Variants in RFX4 observed in about 807,000 individuals in gnomAD.
RFX4 encodes the protein transcription factor RFX4.
Under a neutral mutation model 95.0 loss-of-function variants are expected in RFX4, and 10 were observed. The observed-to-expected ratio is 0.11, with a 90% CI of 0.06 to 0.18. The LOEUF (loss-of-function observed/expected upper bound fraction) is 0.18. Among genes scored for constraint, RFX4 ranks in the 10% least tolerant of loss-of-function variants. RFX4 has a pLI of 1.00. For synonymous variants in RFX4, 321 were observed against 340.7 expected (o/e 0.94, Z 0.64); for missense variants, 640 against 922.0 (o/e 0.69, Z 3.96).
chr12:106,732,786 T>C lies in RFX4; in HGVS notation c.1472-138T>C. ...ACAGAAATTGCCTTGAGTGTCATGA[T>C]GGTGATGGGAAACCATCGAAGAGTT... On this transcript the variant is annotated intron_variant, in intron 14 of 17. Transcript: ENST00000392842. 11 of 707,424 alleles carry C rather than the reference T, an allele frequency of 1.6e-5. No individual in the cohort carries two copies. The South Asian group carries it at 2.7e-4, about 18-fold the overall frequency. The allele number at this position is 707,424 out of a possible 1,614,324, so 43.8% of individuals were successfully genotyped here.
At chr12:106,622,112 TC>T (rs1341042553) in intron 2 of RFX4, among the ~76,000 whole-genome samples, 2 of 152,096 alleles carry the variant, frequency 1.3e-5, no homozygotes, top group African/African-American at 4.8e-5. Context: ...ATACAAGAAG[TC>T]AATACCAGTG....
intron 3 of RFX4, among the ~76,000 whole-genome samples, chr12:106,644,629 G>A (rs1006080546): frequency 3.3e-5 from 5 of 152,126 alleles, no homozygotes; most frequent in African/African-American, 1.2e-4. Flanking sequence ...TGCCCCCTTG[G>A]ACACCGTGGG....
chr12:106,738,668 A>G (rs2042754487), intron 15 of RFX4, among the ~76,000 whole-genome samples: 1 of 152,218 alleles, frequency 6.6e-6, no homozygotes, highest in Non-Finnish European at 1.5e-5. Context: ...CATCCTATAT[A>G]AGACTATGTA....
intron 1 of RFX4, among the ~76,000 whole-genome samples, chr12:106,595,764 A>G (rs1266901646): frequency 6.6e-6 from 1 of 152,218 alleles, no homozygotes; most frequent in Non-Finnish European, 1.5e-5. Flanking sequence ...GTTACAGTCT[A>G]TAATCATCGA....
intron 2 of RFX4, among the ~76,000 whole-genome samples, chr12:106,626,073 A>T (rs763449): frequency 0.096 from 14,604 of 152,230 alleles, 831 homozygotes; most frequent in South Asian, 0.16. Flanking sequence ...GCCATATGTG[A>T]TTGACTTCAT....
chr12:106,647,805 C>A (rs531515781), intron 3 of RFX4, among the ~76,000 whole-genome samples: 1 of 152,306 alleles, frequency 6.6e-6, no homozygotes, highest in East Asian at 1.9e-4. Context: ...TGCATGGATT[C>A]TTGTCTAGTC....
chr12:106,726,701 A>G (rs1261362269), intron 13 of RFX4, among the ~76,000 whole-genome samples: 1 of 152,198 alleles, frequency 6.6e-6, no homozygotes, highest in Non-Finnish European at 1.5e-5. Context: ...TATACAACTC[A>G]TTTTACAAAG....
chr12:106,676,525 T>C (rs150350764), intron 4 of RFX4, among the ~76,000 whole-genome samples: 72 of 152,346 alleles, frequency 4.7e-4, no homozygotes, highest in African/African-American at 1.5e-3. Context: ...GGGACCTCAA[T>C]TATGCAAATA....
intron 9 of RFX4, among the ~76,000 whole-genome samples, chr12:106,710,292 C>T (rs984233643): frequency 1.1e-4 from 17 of 152,172 alleles, no homozygotes; most frequent in Non-Finnish European, 1.9e-4. Context: ...CCCTTTCAGA[C>T]GCGCTTTGAG....
At chr12:106,660,511 A>G (rs1475958336) in intron 4 of RFX4, among the ~76,000 whole-genome samples, 1 of 152,054 alleles carries the variant, frequency 6.6e-6, no homozygotes. Flanking sequence ...TACCCACACA[A>G]AGATGGAGCA....
At chr12:106,614,060 A>C (rs1053731776) in intron 2 of RFX4, among the ~76,000 whole-genome samples, 2 of 152,194 alleles carry the variant, frequency 1.3e-5, no homozygotes, top group African/African-American at 4.8e-5. Context: ...TTCATGGGTG[A>C]ATAGCATATG....
intron 4 of RFX4, among the ~76,000 whole-genome samples, chr12:106,668,799 G>A (rs1239799552): frequency 6.6e-6 from 1 of 152,148 alleles, no homozygotes; most frequent in Non-Finnish European, 1.5e-5. Flanking sequence ...GAGCTCATGG[G>A]AAGTAACATG....
chr12:106,738,670 G>A (rs980356476), intron 15 of RFX4, among the ~76,000 whole-genome samples: 5 of 152,086 alleles, frequency 3.3e-5, no homozygotes, highest in Admixed American at 2.0e-4. Context: ...TCCTATATAA[G>A]ACTATGTATG....
At chr12:106,600,270 G>T (rs533829963) in intron 1 of RFX4, among the ~76,000 whole-genome samples, 1 of 152,106 alleles carries the variant, frequency 6.6e-6, no homozygotes, top group Admixed American at 6.5e-5. Context: ...TGTTCCTTCT[G>T]CCAGGAACAC....
At chr12:106,689,450 C>T (rs2041733826) in intron 7 of RFX4, 86 bp downstream of exon 7, 1 of 1,090,704 alleles carries the variant, frequency 9.2e-7, no homozygotes. Context: ...CTGCTAGGTG[C>T]CAGGCCTGGC....
chr12:106,613,366 ATT>A (rs543428046), intron 2 of RFX4, among the ~76,000 whole-genome samples: 78 of 141,456 alleles, frequency 5.5e-4, no homozygotes, highest in Middle Eastern at 3.7e-3. Context: ...TTTTGCATCA[ATT>A]TTTTTTTTTT....
intron 1 of RFX4, among the ~76,000 whole-genome samples, chr12:106,601,649 C>T (rs1398443869): frequency 1.3e-5 from 2 of 152,224 alleles, no homozygotes; most frequent in Admixed American, 6.5e-5. Flanking sequence ...CAAAACTCAG[C>T]GTGTTCACTT....
intron 7 of RFX4, among the ~76,000 whole-genome samples, chr12:106,690,631 G>A (rs1161763534): frequency 3.9e-5 from 6 of 152,166 alleles, no homozygotes; most frequent in Admixed American, 3.9e-4. Flanking sequence ...CTAGAACCTT[G>A]GAGTCCTCTT....
At chr12:106,610,348 A>G (rs11113056) in intron 2 of RFX4, among the ~76,000 whole-genome samples, 16,140 of 152,184 alleles carry the variant, frequency 0.11, 902 homozygotes, top group South Asian at 0.17. Context: ...TCTGAAATGT[A>G]CAATTCATTG....
Sources: gnomAD v4.1 joint callset for allele counts (sites outside exome capture counted in the v4.1 genomes callset) on GRCh38, gnomAD v4.1.1 for gene constraint, MANE v1.5 for transcripts, NCBI Gene and HGNC (gene_info 2026-07-23, HGNC 2026-07-21) for gene names.